TPH1: variants seen among roughly 807,000 people sequenced by gnomAD.
TPH1 encodes tryptophan hydroxylase 1.
In TPH1, 37 loss-of-function variants were observed where a neutral mutation model predicts 49.5. That is an observed-to-expected ratio of 0.75 (90% confidence interval 0.58 to 0.98). The LOEUF (loss-of-function observed/expected upper bound fraction) is 0.98. Among genes scored for constraint, TPH1 ranks in the 50% least tolerant of loss-of-function variants. The probability of loss-of-function intolerance (pLI) is 0.00; values close to 1 mark genes in which losing one functional copy is unlikely to be tolerated. For synonymous variants in TPH1, 160 were observed against 182.1 expected (o/e 0.88, Z 0.98); for missense variants, 487 against 523.6 (o/e 0.93, Z 0.68).
At chr11:18,038,196 C>G (rs1033146421) in intron 2 of TPH1, among the ~76,000 whole-genome samples, 1 of 151,502 alleles carries the variant, frequency 6.6e-6, no homozygotes, top group African/African-American at 2.4e-5. Flanking sequence ...GAAGTAGAAG[C>G]AGAATAAGCA....
At chr11:18,032,430 G>T (rs1847999103) in intron 4 of TPH1, among the ~76,000 whole-genome samples, 1 of 151,738 alleles carries the variant, frequency 6.6e-6, no homozygotes, top group Admixed American at 6.6e-5. Flanking sequence ...TTAATAATAG[G>T]AATGCTGGGC....
Position 18,019,514 on chromosome 11 carries a change from T to C in TPH1, c.*1477A>G, listed in dbSNP as rs1262483253. On this transcript the variant is annotated 3_prime_UTR_variant, in exon 11 of 11. Transcript: ENST00000682019. ...ATGTGGATGATGCCACATGAAGTTGTACAGCATTGGCCTAAATTATGAGAC... is the reference window on the plus strand; with the variant it reads ...ATGTGGATGATGCCACATGAAGTTGCACAGCATTGGCCTAAATTATGAGAC... 10 of 387,014 alleles carry C rather than the reference T, an allele frequency of 2.6e-5. No homozygotes were observed. The highest frequency in any genetic ancestry group is 2.1e-4 in the African/African-American group (10 of 47,600). 24.0% of individuals were successfully genotyped at this position (387,014 alleles called of 1,614,324 possible). A position where few individuals can be genotyped will look rare whatever the true frequency, so the allele number is the denominator to read the frequency against.
chr11:18,023,837 A>T, intron 9 of TPH1, 51 bp downstream of exon 9: 1 of 1,438,978 alleles, frequency 6.9e-7, no homozygotes, highest in Non-Finnish European at 9.8e-7. Context: ...TTCAGGTTTT[A>T]TCAATTATGT....
At chr11:18,022,573 T>C (rs1208835133) in intron 10 of TPH1, among the ~76,000 whole-genome samples, 3 of 152,218 alleles carry the variant, frequency 2.0e-5, no homozygotes, top group Admixed American at 6.5e-5. Context: ...ACTGGAAGAA[T>C]TGGAAAGAAA....
chr11:18,029,621 A>G (rs769770716), intron 4 of TPH1, 42 bp from the exon 5 acceptor site: 3 of 1,486,410 alleles, frequency 2.0e-6, no homozygotes, highest in Middle Eastern at 1.7e-4. Flanking sequence ...ATACTAAAAA[A>G]TACTTGACAA....
intron 3 of TPH1, 133 bp downstream of exon 3, chr11:18,035,826 C>A: frequency 1.4e-6 from 1 of 697,460 alleles, no homozygotes; most frequent in Non-Finnish European, 2.4e-6. Flanking sequence ...ATTTTGTGTT[C>A]CCTTCACTAT....
intron 9 of TPH1, among the ~76,000 whole-genome samples, 182 bp downstream of exon 9, chr11:18,023,706 C>T (rs891049327): frequency 1.3e-5 from 2 of 152,078 alleles, no homozygotes; most frequent in Non-Finnish European, 2.9e-5. Flanking sequence ...TACACACACA[C>T]ATATTTGGAT....
At chr11:18,042,867 GA>G (rs1848110711) in intron 1 of TPH1, among the ~76,000 whole-genome samples, 2 of 152,208 alleles carry the variant, frequency 1.3e-5, no homozygotes, top group Non-Finnish European at 2.9e-5. Context: ...CAAACATGTG[GA>G]AAAGTTGCTT....
At chr11:18,036,277 T>C (rs1848047784) in intron 2 of TPH1, 135 bp from the exon 3 acceptor site, 2 of 681,764 alleles carry the variant, frequency 2.9e-6, no homozygotes, top group African/African-American at 1.8e-5. Context: ...CTGTTTTTAG[T>C]GCTGCCAACA....
chr11:18,025,782 ATATTT>A (rs746435658), intron 7 of TPH1, 81 bp from the exon 8 acceptor site: 4 of 1,558,812 alleles, frequency 2.6e-6, no homozygotes, highest in African/African-American at 2.7e-5. Context: ...TCGAAATCCA[ATATTT>A]TATTCTAATG....
intron 8 of TPH1, 36 bp from the exon 9 acceptor site, chr11:18,024,019 A>G (rs774926608): frequency 1.4e-6 from 2 of 1,469,518 alleles, no homozygotes; most frequent in Non-Finnish European, 1.9e-6. Context: ...TCACACACTG[A>G]CGAATTCAAC....
At chr11:18,028,818 A>C (rs1317270904) in intron 6 of TPH1, among the ~76,000 whole-genome samples, 2 of 152,160 alleles carry the variant, frequency 1.3e-5, no homozygotes, top group African/African-American at 4.8e-5. Context: ...TAATTCCAGC[A>C]CTTTGGGAGG....
intron 3 of TPH1, among the ~76,000 whole-genome samples, chr11:18,035,403 T>TTTTCTTTC (rs10655479): frequency 5.9e-5 from 8 of 136,238 alleles, no homozygotes; most frequent in African/African-American, 8.2e-5. Flanking sequence ...TTTCTTTCTT[T>TTTTCTTTC]TTTCTTTCTT....
At chr11:18,040,518 C>T in intron 2 of TPH1, 128 bp downstream of exon 2, 1 of 905,922 alleles carries the variant, frequency 1.1e-6, no homozygotes, top group Non-Finnish European at 1.6e-6. Flanking sequence ...CAGGAGTCCA[C>T]CACCACACCC....
At chr11:18,030,536 G>A (rs987647854) in intron 4 of TPH1, among the ~76,000 whole-genome samples, 5 of 152,062 alleles carry the variant, frequency 3.3e-5, no homozygotes, top group African/African-American at 1.2e-4. Context: ...AGATCTATGA[G>A]GTAGCACAGA....
intron 6 of TPH1, among the ~76,000 whole-genome samples, chr11:18,027,829 T>C (rs972325294): frequency 2.6e-5 from 4 of 152,234 alleles, no homozygotes; most frequent in Non-Finnish European, 5.9e-5. Context: ...AAGTTTAGTT[T>C]TTATAGAAAC....
chr11:18,038,479 T>C (rs1414122575), intron 2 of TPH1, among the ~76,000 whole-genome samples: 1 of 152,184 alleles, frequency 6.6e-6, no homozygotes, highest in Non-Finnish European at 1.5e-5. Context: ...AGACTACATA[T>C]TCTAAAGTGC....
At chr11:18,025,516 T>C in intron 8 of TPH1, 59 bp downstream of exon 8, 1 of 1,609,694 alleles carries the variant, frequency 6.2e-7, no homozygotes, top group Non-Finnish European at 8.5e-7. Context: ...ACTTTTAAAC[T>C]ACACAGATAC....
chr11:18,034,885 T>G (rs76516712), intron 3 of TPH1, among the ~76,000 whole-genome samples: 1 of 152,142 alleles, frequency 6.6e-6, no homozygotes, highest in African/African-American at 2.4e-5. Flanking sequence ...ATGCTGTACA[T>G]CAGTTGTTCC....
Sources: gnomAD v4.1 joint callset for allele counts (sites outside exome capture counted in the v4.1 genomes callset) on GRCh38, gnomAD v4.1.1 for gene constraint, MANE v1.5 for transcripts, NCBI Gene and HGNC (gene_info 2026-07-23, HGNC 2026-07-21) for gene names.